The following FNIP1 variants were observed in gnomAD, a reference collection of about 807,000 sequenced individuals.
FNIP1 encodes the protein folliculin-interacting protein 1.
A neutral mutation model predicts 124.5 loss-of-function variants in FNIP1; 40 were observed. The observed-to-expected ratio is 0.32, with a 90% confidence interval of 0.25 to 0.42. The LOEUF is 0.42. FNIP1 is among the 10% of genes least tolerant of loss of function. FNIP1 has a pLI of 1.00. For missense variants in FNIP1, 1,176 were observed against 1,403.7 expected (o/e 0.84, Z 2.59); for synonymous variants, 472 against 470.6 (o/e 1.00, Z -0.04).
chr5:131,771,797 T>C (rs1771643005), intron 1 of FNIP1, among the ~76,000 whole-genome samples: 1 of 152,166 alleles, frequency 6.6e-6, no homozygotes, highest in South Asian at 2.1e-4. Context: ...AAGTTTTACG[T>C]TACTGTCACA....
intron 2 of FNIP1, among the ~76,000 whole-genome samples, chr5:131,733,611 G>C (rs1264129072): frequency 1.3e-5 from 2 of 152,142 alleles, no homozygotes; most frequent in Admixed American, 1.3e-4. Flanking sequence ...CTTTGGTTCT[G>C]TTTATATGCT....
chr5:131,752,538 T>TAAA (rs70974009), intron 1 of FNIP1, among the ~76,000 whole-genome samples: 33 of 136,778 alleles, frequency 2.4e-4, no homozygotes, highest in African/African-American at 7.9e-4. Flanking sequence ...CCTGAACATC[T>TAAA]AAAAAAAAAA....
chr5:131,780,389 CACAGA>C (rs1049247459), intron 1 of FNIP1, among the ~76,000 whole-genome samples: 14 of 152,044 alleles, frequency 9.2e-5, no homozygotes, highest in Non-Finnish European at 1.6e-4. Context: ...AGGAAAAAGG[CACAGA>C]ACAGAAGTCT....
chr5:131,787,449 G>C (rs532714373), intron 1 of FNIP1, among the ~76,000 whole-genome samples: 4 of 152,162 alleles, frequency 2.6e-5, no homozygotes, highest in African/African-American at 9.7e-5. Context: ...CTGGGGCATG[G>C]ATCTGAACTC....
chr5:131,788,192 T>C (rs1271211303), intron 1 of FNIP1, among the ~76,000 whole-genome samples: 1 of 152,142 alleles, frequency 6.6e-6, no homozygotes, highest in African/African-American at 2.4e-5. Context: ...GAATAAACAA[T>C]GATCTCTGAT....
At chr5:131,752,988 C>A (rs1224525273) in intron 1 of FNIP1, among the ~76,000 whole-genome samples, 1 of 152,178 alleles carries the variant, frequency 6.6e-6, no homozygotes, top group Non-Finnish European at 1.5e-5. Flanking sequence ...AGGAGAATTG[C>A]TTGAACTCGG....
At chr5:131,697,534 T>C (rs1377278135) in intron 11 of FNIP1, among the ~76,000 whole-genome samples, 1 of 152,144 alleles carries the variant, frequency 6.6e-6, no homozygotes, top group Non-Finnish European at 1.5e-5. Flanking sequence ...CATGTTGAAA[T>C]AGATTTATTT....
chr5:131,784,270 T>C (rs1772089797), intron 1 of FNIP1, among the ~76,000 whole-genome samples: 1 of 152,020 alleles, frequency 6.6e-6, no homozygotes, highest in South Asian at 2.1e-4. Context: ...ATACTAATGA[T>C]TTCAAAGAAA....
intron 11 of FNIP1, among the ~76,000 whole-genome samples, chr5:131,694,874 G>A (rs1282494548): frequency 6.6e-6 from 1 of 152,178 alleles, no homozygotes; most frequent in Non-Finnish European, 1.5e-5. Flanking sequence ...GGAGGCCAAG[G>A]CACACAGATC....
intron 11 of FNIP1, among the ~76,000 whole-genome samples, chr5:131,693,795 A>T (rs866797423): frequency 5.7e-4 from 87 of 152,148 alleles, no homozygotes; most frequent in African/African-American, 2.1e-3. Context: ...CACAAACTGT[A>T]AGAAGTATTT....
At chr5:131,669,891 T>C (rs1767701106) in intron 15 of FNIP1, among the ~76,000 whole-genome samples, 1 of 148,238 alleles carries the variant, frequency 6.7e-6, no homozygotes, top group Non-Finnish European at 1.5e-5. Flanking sequence ...AACATTGTAT[T>C]GAAAATTCTA....
chr5:131,672,869 A>G lies in FNIP1; in HGVS notation c.1575T>C (p.Val525=). 1 of 1,603,516 alleles carries G rather than the reference A, an allele frequency of 6.2e-7. No homozygotes were observed. The highest frequency in any genetic ancestry group is 1.3e-5 in the African/African-American group (1 of 74,416). The change falls in exon 14 of 18, where the codon GTT becomes GTC. Residue 525 remains valine (V), a synonymous_variant. Coordinates refer to ENST00000510461, the MANE Select transcript of FNIP1 (RefSeq NM_133372.3). ...SPVRLARTVV[V]GKRQDMVQRL... ...TCTGGACCATGTCTTGTCGTTTGCC[A>G]ACTACCACAGTCCTTGCTAACCGTA...
In FNIP1 at chr5:131,671,874, C is replaced by T; in HGVS notation, c.2570G>A (p.Ser857Asn). The T allele has an allele frequency of 1.2e-6, 2 of 1,614,094 alleles. No homozygotes were observed. Among genetic ancestry groups the T allele is most frequent in the South Asian group, 1.1e-5 (1 of 91,072 alleles). The change falls in exon 14 of 18, where the codon AGT (serine) becomes AAT (asparagine). Residue 857 changes from serine (S) to asparagine (N), a missense_variant. Ser to Asn is a conservative substitution (Grantham distance 46). Coordinates refer to ENST00000510461, the MANE Select transcript of FNIP1 (RefSeq NM_133372.3). ...RTIDDVPFKT[S>N]TDSKDHCCML... is the part of the protein sequence containing the mutation. ...ACAGCAATGGTCTTTACTATCTGTA[C>T]TTGTTTTAAATGGAACATCATCAAT...
At chr5:131,733,699 A>G (rs1770183833) in intron 2 of FNIP1, among the ~76,000 whole-genome samples, 2 of 152,168 alleles carry the variant, frequency 1.3e-5, no homozygotes, top group South Asian at 4.1e-4. Flanking sequence ...ATGGTGGATA[A>G]GCTTTTTGAT....
intron 1 of FNIP1, among the ~76,000 whole-genome samples, chr5:131,792,734 T>A (rs867321306): frequency 1.3e-4 from 20 of 152,308 alleles, no homozygotes; most frequent in Non-Finnish European, 1.8e-4. Flanking sequence ...CATTAAAAAG[T>A]ACTGTATAAA....
chr5:131,710,484 C>T (rs2149536564), intron 7 of FNIP1, 94 bp downstream of exon 7: 2 of 1,093,986 alleles, frequency 1.8e-6, no homozygotes, highest in South Asian at 1.7e-5. Flanking sequence ...ACCTCACCAA[C>T]TGCATTCATC....
chr5:131,778,861 T>C (rs1167284135), intron 1 of FNIP1, among the ~76,000 whole-genome samples: 12 of 136,436 alleles, frequency 8.8e-5, no homozygotes, highest in East Asian at 2.0e-4. Context: ...ATGGATGAAA[T>C]TGGAAACCAT....
chr5:131,706,684 C>T, intron 8 of FNIP1, 138 bp from the exon 9 acceptor site: 1 of 884,316 alleles, frequency 1.1e-6, no homozygotes, highest in Non-Finnish European at 1.6e-6. Context: ...ATTAAAAGAA[C>T]ACATCCTTCT....
intron 13 of FNIP1, chr5:131,677,495 T>C: frequency 2.1e-6 from 1 of 467,656 alleles, no homozygotes; most frequent in East Asian, 3.2e-5. Context: ...CCTCTTGCTC[T>C]ACCTGCAGTT....
Sources: gnomAD v4.1 joint callset for allele counts (sites outside exome capture counted in the v4.1 genomes callset) on GRCh38, gnomAD v4.1.1 for gene constraint, MANE v1.5 for transcripts, NCBI Gene and HGNC (gene_info 2026-07-23, HGNC 2026-07-21) for gene names.